The following SIPA1L3 variants were observed in gnomAD, a reference collection of about 807,000 sequenced individuals.
SIPA1L3 encodes signal-induced proliferation-associated 1-like protein 3.
SIPA1L3 carries 59 observed loss-of-function variants against 150.1 expected under a neutral mutation model. That is an observed-to-expected ratio of 0.39 (90% CI 0.32 to 0.49). SIPA1L3 has a LOEUF of 0.49. Ranked by LOEUF, SIPA1L3 falls within the 20% of genes least tolerant of loss-of-function variation. The pLI is 0.86. For synonymous variants in SIPA1L3, 1,070 were observed against 1,077.6 expected, an observed-to-expected ratio of 0.99 and a Z score of 0.14; for missense variants, 2,211 against 2,489.5, an observed-to-expected ratio of 0.89 and a Z score of 2.38.
At chr19:37,944,319 A>G (rs1450584695) in intron 1 of SIPA1L3, among the ~76,000 whole-genome samples, 1 of 150,786 alleles carries the variant, frequency 6.6e-6, no homozygotes, top group Non-Finnish European at 1.5e-5. Flanking sequence ...CATTGTCTTG[A>G]CCTAGTGGCC....
At chr19:38,145,015 C>T (rs561654039) in intron 12 of SIPA1L3, among the ~76,000 whole-genome samples, 12 of 152,070 alleles carry the variant, frequency 7.9e-5, no homozygotes, top group African/African-American at 1.9e-4. Context: ...CGGGTGTGTG[C>T]GGGACATGGG....
intron 7 of SIPA1L3, among the ~76,000 whole-genome samples, chr19:38,108,169 T>C (rs1267503108): frequency 6.6e-6 from 1 of 152,018 alleles, no homozygotes; most frequent in Admixed American, 6.6e-5. Context: ...GAAAGGTCCA[T>C]ATACTCCTGC....
At chr19:38,123,113 G>A (rs1165460784) in intron 9 of SIPA1L3, among the ~76,000 whole-genome samples, 5 of 152,134 alleles carry the variant, frequency 3.3e-5, no homozygotes, top group East Asian at 1.9e-4. Flanking sequence ...CCAGCTCTGC[G>A]TCAGACCCTG....
chr19:38,175,607 G>T (rs2146008265), intron 15 of SIPA1L3, among the ~76,000 whole-genome samples: 1 of 152,244 alleles, frequency 6.6e-6, no homozygotes, highest in South Asian at 2.1e-4. Context: ...TGCTGTCTGA[G>T]CCCAGAGCCC....
At chr19:37,935,937 C>T (rs1052430948) in intron 1 of SIPA1L3, among the ~76,000 whole-genome samples, 9 of 152,108 alleles carry the variant, frequency 5.9e-5, no homozygotes, top group African/African-American at 2.2e-4. Context: ...CCATGGGGTT[C>T]ATTTTCTCAT....
intron 9 of SIPA1L3, among the ~76,000 whole-genome samples, chr19:38,128,890 G>A (rs982880847): frequency 2.7e-5 from 4 of 150,854 alleles, no homozygotes; most frequent in East Asian, 1.9e-4. Flanking sequence ...GCGAGACTCC[G>A]TCTTAAAAAA....
intron 1 of SIPA1L3, among the ~76,000 whole-genome samples, chr19:37,973,828 G>A (rs191872748): frequency 6.6e-6 from 1 of 152,160 alleles, no homozygotes; most frequent in Non-Finnish European, 1.5e-5. Flanking sequence ...TGTGCAGTAA[G>A]ATGTGTGGTT....
At chr19:38,135,558 A>G (rs1255862683) in intron 10 of SIPA1L3, among the ~76,000 whole-genome samples, 1 of 152,174 alleles carries the variant, frequency 6.6e-6, no homozygotes, top group African/African-American at 2.4e-5. Context: ...TCTCACCCCA[A>G]ACATGCAGGT....
At chr19:37,965,255 G>A (rs748637538) in intron 1 of SIPA1L3, among the ~76,000 whole-genome samples, 2 of 151,264 alleles carry the variant, frequency 1.3e-5, no homozygotes, top group Non-Finnish European at 2.9e-5. Flanking sequence ...TTACTCTCCT[G>A]AAAAGAAATA....
intron 2 of SIPA1L3, among the ~76,000 whole-genome samples, chr19:38,041,932 A>T (rs917177762): frequency 3.3e-5 from 5 of 152,222 alleles, no homozygotes; most frequent in African/African-American, 1.2e-4. Flanking sequence ...AGAGTTCTCC[A>T]TAAATTTTGA....
At chr19:37,941,079 C>CACAT (rs1413779939) in intron 1 of SIPA1L3, among the ~76,000 whole-genome samples, 1 of 131,572 alleles carries the variant, frequency 7.6e-6, no homozygotes, top group Non-Finnish European at 1.6e-5. Context: ...TGTACACACA[C>CACAT]ACACACATAC....
chr19:38,006,196 C>T (rs1390534701), intron 1 of SIPA1L3, among the ~76,000 whole-genome samples: 1 of 151,518 alleles, frequency 6.6e-6, no homozygotes, highest in African/African-American at 2.4e-5. Flanking sequence ...GGGGTGAGTC[C>T]AGGGTAGGGG....
In SIPA1L3 at chr19:38,088,798, C is replaced by A. The variant is rs770194975; in HGVS notation, c.1612C>A (p.His538Asn). 3.1e-6 allele frequency: 5 copies of A among 1,613,938 alleles called. No homozygotes were observed. The South Asian group carries it at 4.4e-5, about 14-fold the overall frequency. ...CATTAAGCGGGAGAAGCTGGAAGACCACAAGGAGCACGGACCTCAGTACCA... is the reference window on the plus strand; with the variant it reads ...CATTAAGCGGGAGAAGCTGGAAGACAACAAGGAGCACGGACCTCAGTACCA... ...VSIKREKLED[H>N]KEHGPQYQYR... Residue 538 changes from histidine (H) to asparagine (N), a missense_variant, in exon 4 of 22, where the codon CAC becomes AAC. His to Asn is a moderately conservative substitution (Grantham distance 68). Coordinates refer to ENST00000222345, the MANE Select transcript of SIPA1L3 (RefSeq NM_015073.3).
intron 1 of SIPA1L3, among the ~76,000 whole-genome samples, chr19:37,982,531 A>G (rs974044420): frequency 6.6e-6 from 1 of 152,208 alleles, no homozygotes; most frequent in Non-Finnish European, 1.5e-5. Context: ...GGACAGTGTT[A>G]GGTCCATTAC....
At chr19:38,001,410 A>G (rs955865691) in intron 1 of SIPA1L3, among the ~76,000 whole-genome samples, 10 of 152,136 alleles carry the variant, frequency 6.6e-5, no homozygotes, top group African/African-American at 2.4e-4. Context: ...CTTGCAAAAG[A>G]ACCACATTTT....
chr19:38,173,973 TGGG>T (rs968213732), intron 15 of SIPA1L3, among the ~76,000 whole-genome samples: 2 of 141,352 alleles, frequency 1.4e-5, no homozygotes, highest in African/African-American at 5.2e-5. Context: ...GGGGGGCAGA[TGGG>T]GGGCCCTGTC....
At chr19:38,173,615 T>TTCCCCAGG (rs1972376182) in intron 15 of SIPA1L3, 1 of 152,298 alleles carries the variant, frequency 6.6e-6, no homozygotes, top group Non-Finnish European at 1.5e-5. Context: ...GTGGCCTTGC[T>TTCCCCAGG]TCCCCAGGCT....
chr19:38,013,241 G>A (rs1348574566), intron 1 of SIPA1L3, among the ~76,000 whole-genome samples: 1 of 152,132 alleles, frequency 6.6e-6, no homozygotes, highest in Admixed American at 6.5e-5. Context: ...AGGTGTCACA[G>A]ATTACAAGAA....
At chr19:38,133,986 A>G (rs1028593922) in intron 10 of SIPA1L3, among the ~76,000 whole-genome samples, 1 of 145,232 alleles carries the variant, frequency 6.9e-6, no homozygotes, top group East Asian at 2.0e-4. Flanking sequence ...ACTACAACAA[A>G]TTTTTTTTTT....
Sources: gnomAD v4.1 joint callset for allele counts (sites outside exome capture counted in the v4.1 genomes callset) on GRCh38, gnomAD v4.1.1 for gene constraint, MANE v1.5 for transcripts, NCBI Gene and HGNC (gene_info 2026-07-23, HGNC 2026-07-21) for gene names.